TBC1D4: variants seen among roughly 807,000 people sequenced by gnomAD.
The protein encoded by TBC1D4 is TBC1 domain family member 4, also known as TBC (Tre-2, BUB2, CDC16) domain-containing protein.
A neutral mutation model predicts 142.5 loss-of-function variants in TBC1D4; 121 were observed. The observed-to-expected ratio is 0.85, with a 90% CI of 0.73 to 0.99. TBC1D4 has a LOEUF of 0.99. TBC1D4 is among the 50% of genes least tolerant of loss of function. TBC1D4 has a pLI of 0.00. For missense variants in TBC1D4, 1,475 were observed against 1,606.6 expected (o/e 0.92, Z 1.40); for synonymous variants, 630 against 628.2 (o/e 1.00, Z -0.04).
chr13:75,321,706 A>G (rs902140702), intron 11 of TBC1D4, among the ~76,000 whole-genome samples: 1 of 152,070 alleles, frequency 6.6e-6, no homozygotes. Flanking sequence ...ATATTCATCA[A>G]TAATTCATAT....
At chr13:75,367,929 C>G (rs1400953174) in intron 1 of TBC1D4, among the ~76,000 whole-genome samples, 2 of 152,124 alleles carry the variant, frequency 1.3e-5, no homozygotes, top group Admixed American at 1.3e-4. Flanking sequence ...CATTTGTATT[C>G]AAGGAAACAC....
At chr13:75,452,725 G>A (rs1189670564) in intron 1 of TBC1D4, among the ~76,000 whole-genome samples, 1 of 152,160 alleles carries the variant, frequency 6.6e-6, no homozygotes, top group Non-Finnish European at 1.5e-5. Context: ...AATCATAAAA[G>A]GCTTCAATCC....
At chr13:75,380,266 G>A (rs1173034607) in intron 1 of TBC1D4, among the ~76,000 whole-genome samples, 1 of 151,810 alleles carries the variant, frequency 6.6e-6, no homozygotes, top group East Asian at 2.0e-4. Flanking sequence ...GAGGTCAGGG[G>A]TTCAAGAACA....
intron 20 of TBC1D4, 134 bp downstream of exon 20, chr13:75,288,800 C>T (rs2137822679): frequency 1.1e-6 from 1 of 941,838 alleles, no homozygotes; most frequent in South Asian, 1.4e-5. Context: ...CCCCAGAGCA[C>T]TTGGACAGTC....
intron 1 of TBC1D4, among the ~76,000 whole-genome samples, chr13:75,440,965 A>C (rs1887013334): frequency 6.6e-6 from 1 of 152,032 alleles, no homozygotes; most frequent in Non-Finnish European, 1.5e-5. Context: ...ATTTTTTTAA[A>C]AAAGAGGACA....
intron 1 of TBC1D4, among the ~76,000 whole-genome samples, chr13:75,423,377 G>A (rs1007944514): frequency 6.6e-6 from 1 of 151,966 alleles, no homozygotes; most frequent in Non-Finnish European, 1.5e-5. Context: ...AGTTATTCCA[G>A]CACTAAAGTT....
chr13:75,360,940 C>T (rs1335320492), intron 2 of TBC1D4, among the ~76,000 whole-genome samples: 5 of 152,108 alleles, frequency 3.3e-5, no homozygotes, highest in African/African-American at 4.8e-5. Context: ...CAAAATACTC[C>T]GGAATCTCCT....
At chr13:75,344,105 T>C (rs1317845966) in intron 5 of TBC1D4, among the ~76,000 whole-genome samples, 1 of 152,118 alleles carries the variant, frequency 6.6e-6, no homozygotes, top group Non-Finnish European at 1.5e-5. Context: ...TGCCTCGGCC[T>C]CCCAAAGTGC....
intron 18 of TBC1D4, among the ~76,000 whole-genome samples, 176 bp from the exon 19 acceptor site, chr13:75,292,447 G>A (rs1875414449): frequency 6.6e-6 from 1 of 152,090 alleles, no homozygotes; most frequent in African/African-American, 2.4e-5. Flanking sequence ...ATAAGCAGAT[G>A]TTTTAATATT....
At chr13:75,347,838 C>T (rs1382207538) in intron 5 of TBC1D4, among the ~76,000 whole-genome samples, 2 of 152,148 alleles carry the variant, frequency 1.3e-5, no homozygotes, top group East Asian at 1.9e-4. Context: ...AAGCCTATTA[C>T]ATTGAAATAG....
intron 1 of TBC1D4, among the ~76,000 whole-genome samples, chr13:75,427,547 A>G (rs9530437): frequency 0.54 from 81,872 of 152,084 alleles, 26,276 homozygotes; most frequent in East Asian, 0.68. Context: ...AAAATAGAAA[A>G]AGAAAAAAGA....
intron 9 of TBC1D4, among the ~76,000 whole-genome samples, chr13:75,327,512 T>C (rs1879367171): frequency 6.6e-6 from 1 of 152,206 alleles, no homozygotes; most frequent in African/African-American, 2.4e-5. Flanking sequence ...TCAAATACTG[T>C]TGTCCAAAGC....
rs535092091 is a variant in TBC1D4 at position 75,292,336 on chromosome 13, T to C, written c.3317-65A>G. On this transcript the variant is annotated intron_variant, in intron 18 of 20. Coordinates refer to ENST00000377636, the MANE Select transcript of TBC1D4 (RefSeq NM_014832.5). ...ATCCACTCTTGTAAAAAGCACGCTATTTGTGCTAAAGGTTTTTGTTTACTT... is the reference window on the plus strand; with the variant it reads ...ATCCACTCTTGTAAAAAGCACGCTACTTGTGCTAAAGGTTTTTGTTTACTT... 2.2e-6 allele frequency: 3 copies of C among 1,381,144 alleles called. No homozygotes were observed. The South Asian group carries it at 3.7e-5, about 17-fold the overall frequency. The allele number at this position is 1,381,144 out of a possible 1,614,324, so 85.6% of individuals were successfully genotyped here. A position where few individuals can be genotyped will look rare whatever the true frequency, so the allele number is the denominator to read the frequency against.
chr13:75,402,130 A>C (rs573567215), intron 1 of TBC1D4, among the ~76,000 whole-genome samples: 2 of 152,338 alleles, frequency 1.3e-5, no homozygotes, highest in Admixed American at 1.3e-4. Context: ...CATGGCACAG[A>C]TTCTAGTAGA....
chr13:75,399,215 A>G (rs946013407), intron 1 of TBC1D4, among the ~76,000 whole-genome samples: 14 of 152,140 alleles, frequency 9.2e-5, no homozygotes, highest in African/African-American at 3.4e-4. Context: ...GAAGCATGCT[A>G]AAAAAGAGTT....
rs563760633 is a variant in TBC1D4 at position 75,306,015 on chromosome 13, G to A, written c.2752+298C>T. ...ATACTTCTGACCAAATGATGAAAAT[G>A]AGTCAAGTTTGAAAGACTGAATTAT... On this transcript the variant is annotated intron_variant, in intron 15 of 20. Transcript: ENST00000377636. 7.9e-5 allele frequency among the ~76,000 whole-genome samples: 12 copies of A among 152,254 alleles called. No individual in the cohort carries two copies. In the South Asian group the frequency reaches 1.7e-3, roughly 21 times the overall value.
intron 8 of TBC1D4, among the ~76,000 whole-genome samples, chr13:75,335,507 G>A (rs1266809472): frequency 1.3e-5 from 2 of 150,520 alleles, no homozygotes; most frequent in Admixed American, 6.6e-5. Context: ...CCTAAGAATC[G>A]GTGATATGGT....
chr13:75,355,073 T>A (rs1881930821), intron 4 of TBC1D4, among the ~76,000 whole-genome samples: 1 of 152,222 alleles, frequency 6.6e-6, no homozygotes, highest in South Asian at 2.1e-4. Context: ...ACAAAGTGCC[T>A]TTGAACAAAT....
chr13:75,393,738 C>G (rs1306705715), intron 1 of TBC1D4, among the ~76,000 whole-genome samples: 2 of 152,104 alleles, frequency 1.3e-5, no homozygotes, highest in East Asian at 3.8e-4. Context: ...TCGCGACCAG[C>G]CTGACCAACC....
Sources: allele counts gnomAD v4.1 joint callset (sites outside exome capture counted in the v4.1 genomes callset), GRCh38; gene constraint gnomAD v4.1.1; transcripts MANE v1.5; gene names NCBI Gene and HGNC (gene_info 2026-07-23, HGNC 2026-07-21).